The following DNAH5 variants were observed in gnomAD, a reference collection of about 807,000 sequenced individuals.
DNAH5 encodes dynein axonemal heavy chain 5, also known as axonemal beta dynein heavy chain 5.
A neutral mutation model predicts 518.2 loss-of-function variants in DNAH5; 372 were observed. The observed-to-expected ratio is 0.72, with a 90% CI of 0.66 to 0.78. The LOEUF is 0.78. Ranked by LOEUF, DNAH5 falls within the 30% of genes least tolerant of loss-of-function variation. The probability of loss-of-function intolerance (pLI) is 0.00; values close to 1 mark genes in which losing one functional copy is unlikely to be tolerated. For missense variants in DNAH5, 5,523 were observed against 5,687.0 expected (o/e 0.97, Z 0.93); for synonymous variants, 2,039 against 2,025.9 (o/e 1.01, Z -0.17).
intron 56 of DNAH5, among the ~76,000 whole-genome samples, chr5:13,769,923 ATG>A (rs1753100426): frequency 6.6e-6 from 1 of 152,266 alleles, no homozygotes; most frequent in Admixed American, 6.5e-5. Flanking sequence ...ATTAGGCTAA[ATG>A]ACAATAGACT....
At chr5:13,763,483 T>C (rs1752053755) in intron 59 of DNAH5, among the ~76,000 whole-genome samples, 1 of 152,214 alleles carries the variant, frequency 6.6e-6, no homozygotes, top group South Asian at 2.1e-4. Context: ...ATTATTATCT[T>C]CTGGTGGGAT....
In DNAH5 at chr5:13,841,886, A is replaced by G. The variant is rs748763552; in HGVS notation, c.5290T>C (p.Ser1764Pro). ...FHEKIYDRIL[S>P]ISSQEGETIE... Reference sequence around the variant, plus strand: ...GTCTCACCCTCTTGAGAGGAAATTGACAGAATTCGATCATAGATCTATGTT... The same window carrying G: ...GTCTCACCCTCTTGAGAGGAAATTGGCAGAATTCGATCATAGATCTATGTT... The change falls in exon 33 of 79, where the codon TCA becomes CCA. Residue 1764 changes from serine (S) to proline (P), a missense_variant. Physicochemically the swap from Ser to Pro is moderately conservative, Grantham distance 74. Coordinates refer to ENST00000265104, the MANE Select transcript of DNAH5 (RefSeq NM_001369.3). The G allele has an allele frequency of 2.1e-5, 33 of 1,556,108 alleles. No individual in the cohort carries two copies. The highest frequency in any genetic ancestry group is 6.8e-5 in the Admixed American group (4 of 59,210).
At chr5:13,732,013 G>A (rs1185105864) in intron 68 of DNAH5, among the ~76,000 whole-genome samples, 1 of 151,734 alleles carries the variant, frequency 6.6e-6, no homozygotes, top group Non-Finnish European at 1.5e-5. Context: ...TGAGCTTGTA[G>A]TCCTAGCTAC....
intron 78 of DNAH5, among the ~76,000 whole-genome samples, chr5:13,694,383 A>G (rs1741086134): frequency 6.6e-6 from 1 of 152,254 alleles, no homozygotes. Flanking sequence ...GAAAACGTTG[A>G]TAGATGCTAA....
intron 55 of DNAH5, 98 bp downstream of exon 55, chr5:13,776,341 C>A (rs1166806641): frequency 2.7e-6 from 4 of 1,501,774 alleles, no homozygotes; most frequent in Non-Finnish European, 2.8e-6. Flanking sequence ...CTGGAGCCTG[C>A]CTGGAGATCC....
chr5:13,810,233 G>A lies in DNAH5; in HGVS notation c.7435C>T (p.His2479Tyr). 6.4e-7 allele frequency: 1 copy of A among 1,550,660 alleles called. No homozygotes were observed. Residue 2479 changes from histidine (H) to tyrosine (Y), a missense_variant, in exon 45 of 79, where the codon CAC (histidine) becomes TAC (tyrosine). Coordinates refer to ENST00000265104, the MANE Select transcript of DNAH5 (RefSeq NM_001369.3). ...KEQGGEVSQA[H>Y]LGRLFVFALL... is the part of the protein sequence containing the mutation. ...GCGAACACGAACAGCCGCCCCAGGT[G>A]AGCCTGGCTCACCTCCCCGCCTTGC...
intron 68 of DNAH5, among the ~76,000 whole-genome samples, chr5:13,730,952 A>G (rs1208250044): frequency 1.3e-5 from 2 of 152,072 alleles, no homozygotes; most frequent in Non-Finnish European, 2.9e-5. Context: ...TGCCCGCCTC[A>G]GCCTCCCTCC....
intron 3 of DNAH5, among the ~76,000 whole-genome samples, chr5:13,923,810 G>A (rs980155261): frequency 2.6e-5 from 4 of 152,146 alleles, no homozygotes; most frequent in Admixed American, 6.6e-5. Flanking sequence ...TTGAGAGGCC[G>A]AGGCGGGCAG....
At chr5:13,806,887 G>A (rs1759692997) in intron 47 of DNAH5, among the ~76,000 whole-genome samples, 1 of 152,042 alleles carries the variant, frequency 6.6e-6, no homozygotes, top group African/African-American at 2.4e-5. Context: ...CATATCTAAG[G>A]GTCTAAGATT....
At chr5:13,762,220 T>G (rs1395854365) in intron 60 of DNAH5, among the ~76,000 whole-genome samples, 1 of 152,102 alleles carries the variant, frequency 6.6e-6, no homozygotes, top group Admixed American at 6.5e-5. Context: ...AAATAACAAA[T>G]ATTCAGATAT....
intron 30 of DNAH5, among the ~76,000 whole-genome samples, chr5:13,854,461 C>A (rs759329078): frequency 5.9e-5 from 9 of 152,160 alleles, no homozygotes; most frequent in Non-Finnish European, 2.9e-5. Context: ...ACTGCATCAA[C>A]TAATGGACAA....
At chr5:13,809,337 A>G in intron 45 of DNAH5, 151 bp from the exon 46 acceptor site, 1 of 975,870 alleles carries the variant, frequency 1.0e-6, no homozygotes, top group Non-Finnish European at 1.6e-6. Flanking sequence ...GTACACAAGT[A>G]TGTGTTAGCT....
chr5:13,903,697 T>C (rs1396259099), intron 12 of DNAH5, among the ~76,000 whole-genome samples: 1 of 152,048 alleles, frequency 6.6e-6, no homozygotes, highest in Middle Eastern at 3.2e-3. Flanking sequence ...CAAAAATCAG[T>C]GAATAAAGAT....
At chr5:14,008,043 A>AT in intron 1 of DNAH5, among the ~76,000 whole-genome samples, 1 of 152,144 alleles carries the variant, frequency 6.6e-6, no homozygotes, top group Non-Finnish European at 1.5e-5. Flanking sequence ...GTAATGGCAC[A>AT]TGCCTATAAT....
chr5:13,995,242 A>G (rs1783855763), intron 1 of DNAH5, among the ~76,000 whole-genome samples: 1 of 152,242 alleles, frequency 6.6e-6, no homozygotes, highest in African/African-American at 2.4e-5. Flanking sequence ...TGCCACATAC[A>G]GTGCACCACA....
chr5:13,814,729 A>G lies in DNAH5; in HGVS notation c.7106T>C (p.Met2369Thr), dbSNP rs144867885. The G allele has an allele frequency of 6.8e-6, 11 of 1,614,042 alleles. No homozygotes were observed. The highest frequency in any genetic ancestry group is 2.2e-5 in the South Asian group (2 of 91,084). The change falls in exon 43 of 79, where the codon ATG becomes ACG. Residue 2369 changes from methionine to threonine, a missense_variant. By Grantham distance (81) the Met-to-Thr change is moderately conservative. Coordinates refer to ENST00000265104, the MANE Select transcript of DNAH5 (RefSeq NM_001369.3). ...LTLANGDRIP[M>T]APNCKIIFEP... Reference sequence around the variant, plus strand: ...GAAAATGATCTTGCAGTTTGGAGCCATGGGAATCCGATCACCATTGGCAAG... The same window carrying G: ...GAAAATGATCTTGCAGTTTGGAGCCGTGGGAATCCGATCACCATTGGCAAG...
At chr5:13,800,025 C>T (rs1476097985) in intron 47 of DNAH5, among the ~76,000 whole-genome samples, 1 of 152,090 alleles carries the variant, frequency 6.6e-6, no homozygotes, top group Admixed American at 6.6e-5. Flanking sequence ...GACATGCTTG[C>T]ATGGGGGAAT....
intron 47 of DNAH5, among the ~76,000 whole-genome samples, chr5:13,795,829 G>A (rs971462494): frequency 3.3e-5 from 5 of 152,156 alleles, no homozygotes; most frequent in African/African-American, 1.2e-4. Flanking sequence ...GAATCCAGCA[G>A]CACATCAAAA....
At chr5:13,755,388 A>C (rs1750860909) in intron 61 of DNAH5, among the ~76,000 whole-genome samples, 1 of 152,246 alleles carries the variant, frequency 6.6e-6, no homozygotes, top group Non-Finnish European at 1.5e-5. Context: ...CCAAGAAAGC[A>C]GATCACAATA....
Sources: gnomAD v4.1 joint callset for allele counts (sites outside exome capture counted in the v4.1 genomes callset) on GRCh38, gnomAD v4.1.1 for gene constraint, MANE v1.5 for transcripts, NCBI Gene and HGNC (gene_info 2026-07-23, HGNC 2026-07-21) for gene names.